The following SUGCT variants were observed in gnomAD, a reference collection of about 807,000 sequenced individuals.
SUGCT encodes succinyl-CoA:glutarate CoA-transferase.
SUGCT carries 41 observed loss-of-function variants against 55.0 expected under a neutral mutation model. The ratio of observed to expected loss-of-function variants is 0.74; its 90% CI spans 0.58 to 0.97. SUGCT has a LOEUF of 0.97. SUGCT is among the 50% of genes least tolerant of loss of function. The pLI, the probability that SUGCT is intolerant of heterozygous loss-of-function variation, is 0.00. For synonymous variants in SUGCT, 187 were observed against 200.4 expected, an observed-to-expected ratio of 0.93 and a Z score of 0.56; for missense variants, 568 against 547.8, an observed-to-expected ratio of 1.04 and a Z score of -0.37.
chr7:40,753,752 G>C (rs1788127564), intron 13 of SUGCT, among the ~76,000 whole-genome samples: 1 of 152,060 alleles, frequency 6.6e-6, no homozygotes, highest in African/African-American at 2.4e-5. Flanking sequence ...AGAGCTTATT[G>C]ATTAATACAT....
At chr7:40,150,391 G>A (rs1056947704) in intron 1 of SUGCT, among the ~76,000 whole-genome samples, 3 of 152,262 alleles carry the variant, frequency 2.0e-5, no homozygotes, top group South Asian at 2.1e-4. Context: ...TCGCTGGGCC[G>A]GGCACGGTGG....
the SUGCT span, among the ~76,000 whole-genome samples, chr7:40,997,905 T>C: frequency 6.6e-6 from 1 of 152,134 alleles, no homozygotes; most frequent in Non-Finnish European, 1.5e-5. Context: ...TGGTGTAGAC[T>C]GTTTCCTCTA....
At chr7:40,745,603 C>T (rs1343857701) in intron 12 of SUGCT, among the ~76,000 whole-genome samples, 1 of 152,078 alleles carries the variant, frequency 6.6e-6, no homozygotes, top group Non-Finnish European at 1.5e-5. Flanking sequence ...GCACTGACTA[C>T]AATTCTATTC....
intron 13 of SUGCT, among the ~76,000 whole-genome samples, chr7:40,854,166 A>G (rs1241287916): frequency 6.6e-6 from 1 of 152,190 alleles, no homozygotes; most frequent in African/African-American, 2.4e-5. Context: ...TTCATAGAGT[A>G]TCTAATTATT....
rs546855231 is a variant in SUGCT at position 40,349,841 on chromosome 7, G to C, written c.816+32986G>C. ...GCATACCACCACACCCAGGTGATTG[G>C]TTTTTATTAATATTTTTAGTAGAGA... On this transcript the variant is annotated intron_variant, in intron 9 of 13. Coordinates refer to ENST00000335693, the MANE Select transcript of SUGCT (RefSeq NM_001193313.2). Among the ~76,000 whole-genome samples the C allele has an allele frequency of 3.3e-5, 5 of 152,218 alleles. No homozygotes were observed. In the East Asian group the frequency reaches 9.6e-4, roughly 29 times the overall value.
intron 13 of SUGCT, among the ~76,000 whole-genome samples, chr7:40,758,619 G>T (rs992386330): frequency 2.0e-5 from 3 of 152,090 alleles, no homozygotes; most frequent in Non-Finnish European, 4.4e-5. Flanking sequence ...TCTCTCCTCA[G>T]CTGGAGCGAA....
At chr7:40,214,797 C>T (rs1448702116) in intron 6 of SUGCT, among the ~76,000 whole-genome samples, 3 of 151,824 alleles carry the variant, frequency 2.0e-5, no homozygotes, top group Admixed American at 2.0e-4. Context: ...GCCTGTAGTC[C>T]CAGCTACTCA....
At chr7:40,716,023 T>G (rs1384338748) in intron 12 of SUGCT, among the ~76,000 whole-genome samples, 1 of 152,220 alleles carries the variant, frequency 6.6e-6, no homozygotes, top group Non-Finnish European at 1.5e-5. Context: ...CTGTCTTTAG[T>G]GCTAAGCACA....
At chr7:40,561,735 A>G (rs369256514) in intron 12 of SUGCT, among the ~76,000 whole-genome samples, 1 of 126,326 alleles carries the variant, frequency 7.9e-6, no homozygotes, top group Non-Finnish European at 1.6e-5. Context: ...TCTGTTGCCC[A>G]GGGTGGAGTG....
the SUGCT span, among the ~76,000 whole-genome samples, chr7:40,898,050 T>G: frequency 3.3e-5 from 5 of 152,192 alleles, no homozygotes; most frequent in Non-Finnish European, 7.4e-5. Context: ...TAAATCTTGA[T>G]GCTGCTTATT....
chr7:40,797,286 C>G (rs1790594715), intron 13 of SUGCT, among the ~76,000 whole-genome samples: 1 of 152,144 alleles, frequency 6.6e-6, no homozygotes, highest in Non-Finnish European at 1.5e-5. Flanking sequence ...TATTTTCTCA[C>G]AAAAACTGCA....
the SUGCT span, among the ~76,000 whole-genome samples, chr7:40,961,550 A>T: frequency 0.056 from 8,579 of 152,238 alleles, 256 homozygotes; most frequent in Middle Eastern, 0.078. Flanking sequence ...GCTCTTCTTC[A>T]TTTGCTTCAA....
intron 12 of SUGCT, among the ~76,000 whole-genome samples, chr7:40,636,907 C>A (rs996828501): frequency 6.6e-6 from 1 of 152,104 alleles, no homozygotes; most frequent in African/African-American, 2.4e-5. Flanking sequence ...AGAAAGATAT[C>A]CCTAACCCCT....
intron 6 of SUGCT, among the ~76,000 whole-genome samples, chr7:40,214,851 T>C (rs1584361513): frequency 6.6e-6 from 1 of 151,310 alleles, no homozygotes; most frequent in Non-Finnish European, 1.5e-5. Context: ...GAGGCGGAGG[T>C]TGCAGTGAGC....
intron 12 of SUGCT, among the ~76,000 whole-genome samples, chr7:40,641,677 G>T (rs924177382): frequency 1.3e-5 from 2 of 152,134 alleles, no homozygotes; most frequent in Non-Finnish European, 2.9e-5. Context: ...TTGAGTTATG[G>T]CCCATGGCAG....
intron 12 of SUGCT, among the ~76,000 whole-genome samples, chr7:40,632,049 G>C (rs938717286): frequency 6.6e-6 from 1 of 152,138 alleles, no homozygotes; most frequent in African/African-American, 2.4e-5. Flanking sequence ...AGCGCCCCAG[G>C]AGCAGGATCT....
intron 12 of SUGCT, among the ~76,000 whole-genome samples, chr7:40,713,876 C>T (rs369155065): frequency 1.3e-5 from 2 of 152,216 alleles, no homozygotes; most frequent in Non-Finnish European, 2.9e-5. Flanking sequence ...TTCTCTTAAC[C>T]CTTTTGGAAA....
At chr7:41,035,042 T>C in the SUGCT span, among the ~76,000 whole-genome samples, 1 of 152,216 alleles carries the variant, frequency 6.6e-6, no homozygotes, top group Admixed American at 6.5e-5. Context: ...ATCTGGCCTT[T>C]GTCCCCAGCG....
chr7:40,400,828 C>T (rs1396140510), intron 9 of SUGCT, among the ~76,000 whole-genome samples: 1 of 152,070 alleles, frequency 6.6e-6, no homozygotes, highest in African/African-American at 2.4e-5. Context: ...TCAGGCCAGT[C>T]GCCAGAGATA....
Sources: gnomAD v4.1 joint callset for allele counts (sites outside exome capture counted in the v4.1 genomes callset) on GRCh38, gnomAD v4.1.1 for gene constraint, MANE v1.5 for transcripts, NCBI Gene and HGNC (gene_info 2026-07-23, HGNC 2026-07-21) for gene names.